The following GPR161 variants were observed in gnomAD, a reference collection of about 807,000 sequenced individuals.
GPR161 encodes the protein G-protein coupled receptor RE2.
A neutral mutation model predicts 39.2 loss-of-function variants in GPR161; 25 were observed. That is an observed-to-expected ratio of 0.64 (90% CI 0.47 to 0.89). GPR161 has a LOEUF of 0.89. Among genes scored for constraint, GPR161 ranks in the 40% least tolerant of loss-of-function variants. The pLI is 0.00. For missense variants in GPR161, 547 were observed against 677.8 expected, an observed-to-expected ratio of 0.81 and a Z score of 2.14; for synonymous variants, 286 against 276.6, an observed-to-expected ratio of 1.03 and a Z score of -0.34.
chr1:168,100,759 T>C (rs1004142740), intron 2 of GPR161, among the ~76,000 whole-genome samples: 13 of 152,250 alleles, frequency 8.5e-5, no homozygotes, highest in Admixed American at 4.6e-4. Flanking sequence ...TCCATCCCAT[T>C]GTTCTAGCTA....
intron 1 of GPR161, among the ~76,000 whole-genome samples, chr1:168,122,619 C>T (rs1184177359): frequency 1.3e-5 from 2 of 152,178 alleles, no homozygotes; most frequent in Non-Finnish European, 2.9e-5. Flanking sequence ...ACCTTTGATT[C>T]TTTCTACTCC....
At chr1:168,133,901 A>G in intron 1 of GPR161, 5 of 969,704 alleles carry the variant, frequency 5.2e-6, no homozygotes, top group Non-Finnish European at 6.1e-6. Context: ...TGGTGACCAT[A>G]TTGAGCACAC....
chr1:168,108,914 T>C (rs1271774182), intron 1 of GPR161, among the ~76,000 whole-genome samples: 2 of 152,192 alleles, frequency 1.3e-5, no homozygotes, highest in Non-Finnish European at 2.9e-5. Context: ...ATAACCACGC[T>C]TATGTTGGGA....
intron 4 of GPR161, 148 bp from the exon 5 acceptor site, chr1:168,087,852 A>G: frequency 1.4e-6 from 1 of 702,458 alleles, no homozygotes; most frequent in South Asian, 2.1e-5. Context: ...GCACGTGCCC[A>G]AGAAACACCC....
chr1:168,090,509 A>T (rs776775625), intron 4 of GPR161, 55 bp downstream of exon 4: 2 of 1,029,100 alleles, frequency 1.9e-6, no homozygotes, highest in Non-Finnish European at 1.5e-6. Context: ...ACACGGGGGA[A>T]ACGCAACACA....
intron 1 of GPR161, among the ~76,000 whole-genome samples, chr1:168,108,031 C>T (rs1696763486): frequency 6.6e-6 from 1 of 152,180 alleles, no homozygotes; most frequent in Non-Finnish European, 1.5e-5. Flanking sequence ...TTATTTAGCT[C>T]ATGGTTCTGC....
intron 1 of GPR161, among the ~76,000 whole-genome samples, chr1:168,135,261 A>C (rs909402755): frequency 6.6e-6 from 1 of 152,226 alleles, no homozygotes; most frequent in Admixed American, 6.5e-5. Context: ...CTGCTTACCT[A>C]GCTGGGCAAG....
intron 1 of GPR161, among the ~76,000 whole-genome samples, chr1:168,107,261 G>A (rs930735080): frequency 4.6e-5 from 7 of 152,082 alleles, no homozygotes; most frequent in Admixed American, 3.9e-4. Context: ...ATAAAAAAGT[G>A]GCCGTAAGAC....
chr1:168,126,460 TTTG>T (rs1242256765), intron 1 of GPR161, among the ~76,000 whole-genome samples: 2 of 149,652 alleles, frequency 1.3e-5, no homozygotes, highest in African/African-American at 4.8e-5. Flanking sequence ...ATTGTTTTGT[TTTG>T]TTTTTTTTGA....
At chr1:168,106,871 G>A (rs542706194) in intron 1 of GPR161, among the ~76,000 whole-genome samples, 3 of 152,264 alleles carry the variant, frequency 2.0e-5, no homozygotes, top group Non-Finnish European at 2.9e-5. Flanking sequence ...CTTTCTAGGT[G>A]TGCCTTCTAT....
At chr1:168,110,395 C>G (rs1236258628) in intron 1 of GPR161, among the ~76,000 whole-genome samples, 6 of 150,258 alleles carry the variant, frequency 4.0e-5, no homozygotes, top group Non-Finnish European at 8.9e-5. Context: ...ACTTGGGAGG[C>G]TGAGGTTGGA....
chr1:168,098,409 A>C lies in GPR161; in HGVS notation c.375-1177T>G, dbSNP rs1198084272. 6.6e-6 allele frequency among the ~76,000 whole-genome samples: 1 copy of C among 152,254 alleles called. No individual in the cohort carries two copies. The highest frequency in any genetic ancestry group is 2.4e-5 in the African/African-American group (1 of 41,464). ...GCTGAAAGTCAACCACCACCCTCCC[A>C]ACCCCGACATTTTATCCAAGGGAAA... On this transcript the variant is annotated intron_variant, in intron 2 of 5. Transcript: ENST00000682931. This position sits in a 1 kb window ranked among gnomAD's most constrained non-coding sequence, Gnocchi z 4.1.
chr1:168,136,388 C>G (rs1361378817), intron 1 of GPR161: 4 of 1,415,070 alleles, frequency 2.8e-6, no homozygotes, highest in Non-Finnish European at 2.8e-6. Context: ...CGCACCTACG[C>G]CCTCCCATCC....
intron 1 of GPR161, among the ~76,000 whole-genome samples, chr1:168,124,085 TG>T (rs1211240673): frequency 6.6e-6 from 1 of 152,232 alleles, no homozygotes; most frequent in Admixed American, 6.5e-5. Context: ...TGGTAAGGAT[TG>T]GTGCCACCAC....
At chr1:168,136,958 GCC>G, upstream of GPR161, 2 of 391,926 alleles carry the variant, frequency 5.1e-6, no homozygotes, top group Non-Finnish European at 5.9e-6. Context: ...GCCCCGCCCC[GCC>G]CCCCCCACGC....
intron 1 of GPR161, among the ~76,000 whole-genome samples, chr1:168,111,600 G>C (rs1254264671): frequency 3.3e-5 from 5 of 152,210 alleles, no homozygotes; most frequent in Admixed American, 6.5e-5. Flanking sequence ...TGAAAAGAAA[G>C]GCTGGTCCTT....
At chr1:168,101,430 C>G (rs1572290172) in intron 2 of GPR161, among the ~76,000 whole-genome samples, 1 of 152,186 alleles carries the variant, frequency 6.6e-6, no homozygotes, top group East Asian at 1.9e-4. Context: ...AGCTCCTCAC[C>G]ACAGAGAATT....
intron 1 of GPR161, among the ~76,000 whole-genome samples, chr1:168,115,055 C>T (rs1697511286): frequency 6.6e-6 from 1 of 152,012 alleles, no homozygotes; most frequent in African/African-American, 2.4e-5. Flanking sequence ...AATACGAACC[C>T]AGGGTTGTAG....
At chr1:168,103,917 G>A (rs1350104245) in intron 2 of GPR161, among the ~76,000 whole-genome samples, 1 of 152,216 alleles carries the variant, frequency 6.6e-6, no homozygotes, top group Non-Finnish European at 1.5e-5. Flanking sequence ...CATCAGCTGC[G>A]CCTGACCTCC....
Sources: gnomAD v4.1 joint callset for allele counts (sites outside exome capture counted in the v4.1 genomes callset) on GRCh38, gnomAD v4.1.1 for gene constraint, Gnocchi (gnomAD v3.1) non-coding constraint, MANE v1.5 for transcripts, NCBI Gene and HGNC (gene_info 2026-07-23, HGNC 2026-07-21) for gene names.